The following CUL4B variants were observed in gnomAD, a reference collection of about 807,000 sequenced individuals.
The protein encoded by CUL4B is cullin 4B.
A neutral mutation model predicts 69.2 loss-of-function variants in CUL4B; 1 was observed. That is an observed-to-expected ratio of 0.01 (90% CI 0.01 to 0.07). The LOEUF (loss-of-function observed/expected upper bound fraction) is 0.07. CUL4B is among the 10% of genes least tolerant of loss of function. CUL4B has a pLI of 1.00. For synonymous variants in CUL4B, 237 were observed against 223.2 expected, an observed-to-expected ratio of 1.06 and a Z score of -0.55; for missense variants, 328 against 638.8, an observed-to-expected ratio of 0.51 and a Z score of 5.24.
rs1456022995 is a variant in CUL4B, at chrX:120,532,699, T to C, written c.2267-105A>G. ...CATCCCCCTATTAAAACTATTTCAT[T>C]TTTTCCCAAAGGTCACCAACAACTT... On this transcript the variant is annotated intron_variant, in intron 17 of 19. Coordinates refer to ENST00000371322, the MANE Select transcript of CUL4B (RefSeq NM_001079872.2). 3.9e-6 allele frequency: 3 copies of C among 768,196 alleles called. No individual in the cohort carries two copies. The African/African-American group carries it at 6.2e-5, about 16-fold the overall frequency. 63.3% of individuals were successfully genotyped at this position (768,196 alleles called of 1,213,427 possible). A position where few individuals can be genotyped will look rare whatever the true frequency, so the allele number is the denominator to read the frequency against.
downstream of CUL4B, among the ~76,000 whole-genome samples, chrX:120,567,202 C>A (rs1232937389): frequency 9.8e-6 from 1 of 101,548 alleles, no homozygotes; most frequent in African/African-American, 3.7e-5. Flanking sequence ...TGGCTCACTG[C>A]AATCTCCATC....
intron 2 of CUL4B, among the ~76,000 whole-genome samples, chrX:120,548,231 G>A (rs1259155409): frequency 9.1e-6 from 1 of 110,079 alleles, no homozygotes; most frequent in Non-Finnish European, 1.9e-5. Flanking sequence ...CCATGACTAC[G>A]CCACTGCACT....
downstream of CUL4B, among the ~76,000 whole-genome samples, chrX:120,569,075 C>T (rs1277187592): frequency 2.7e-5 from 3 of 111,835 alleles, no homozygotes; most frequent in Non-Finnish European, 5.6e-5. Context: ...ACAAAACAGC[C>T]GGCAATGCAC....
chrX:120,524,164 C>T lies in CUL4B; in HGVS notation c.*2597G>A, dbSNP rs1922846727. 9.0e-6 allele frequency among the ~76,000 whole-genome samples: 1 copy of T among 111,423 alleles called. No homozygotes were observed. Among genetic ancestry groups the T allele is most frequent in the African/African-American group, 3.3e-5 (1 of 30,699 alleles). ...AAGACCATTCAAGCAGACTCAGGAACTGGGTTCAAAAACTTTGAGGAACAT... is the reference window on the plus strand; with the variant it reads ...AAGACCATTCAAGCAGACTCAGGAATTGGGTTCAAAAACTTTGAGGAACAT... On this transcript the variant is annotated 3_prime_UTR_variant, in exon 20 of 20. Coordinates refer to ENST00000371322, the MANE Select transcript of CUL4B (RefSeq NM_001079872.2).
At chrX:120,530,339 AT>A in intron 18 of CUL4B, 85 bp from the exon 19 acceptor site, 1 of 901,932 alleles carries the variant, frequency 1.1e-6, no homozygotes, top group South Asian at 2.0e-5. Context: ...GGGACATGAC[AT>A]TGTTATTGCT....
intron 14 of CUL4B, among the ~76,000 whole-genome samples, chrX:120,537,898 TTTTA>T (rs1326203238): frequency 8.9e-6 from 1 of 111,788 alleles, no homozygotes; most frequent in African/African-American, 3.3e-5. Context: ...GTTCAATACA[TTTTA>T]TTTTTATTTT....
chrX:120,554,554 G>A (rs764733784), intron 2 of CUL4B, among the ~76,000 whole-genome samples: 1 of 112,481 alleles, frequency 8.9e-6, no homozygotes, highest in Non-Finnish European at 1.9e-5. Flanking sequence ...TACTGCAAGT[G>A]TACTTAGAAC....
At chrX:120,544,075 A>C in intron 7 of CUL4B, 39 bp downstream of exon 7, 1 of 849,220 alleles carries the variant, frequency 1.2e-6, no homozygotes, top group Non-Finnish European at 1.8e-6. Context: ...GTCTATTGTG[A>C]GAGACAGTGA....
Position 120,544,618 on chromosome X carries a change from C to T in CUL4B, c.946G>A (p.Ala316Thr), listed in dbSNP as rs755958060. The T allele has an allele frequency of 1.2e-5, 14 of 1,205,567 alleles. No individual in the cohort carries two copies. The highest frequency in any genetic ancestry group is 4.4e-5 in the Admixed American group (2 of 45,602). Residue 316 changes from alanine (A) to threonine (T), a missense_variant, in exon 6 of 20, where the codon GCT (alanine) becomes ACT (threonine). This residue lies in a region of CUL4B where 126 missense variants were observed against 202.5 expected (regional missense o/e 0.62). Coordinates refer to ENST00000371322, the MANE Select transcript of CUL4B (RefSeq NM_001079872.2). ...IWDMGLELFR[A>T]HIISDQKVQN... Reference sequence around the variant, plus strand: ...ACTTTCTGATCACTTATAATATGAGCCCTAAATAACTCCAGTCCCATGTCC... The same window carrying T: ...ACTTTCTGATCACTTATAATATGAGTCCTAAATAACTCCAGTCCCATGTCC...
intron 9 of CUL4B, 97 bp from the exon 10 acceptor site, chrX:120,541,817 G>GT: frequency 1.7e-6 from 1 of 582,132 alleles, no homozygotes; most frequent in Non-Finnish European, 3.0e-6. Flanking sequence ...AATCATTATT[G>GT]TGATACTGGT....
intron 2 of CUL4B, 36 bp downstream of exon 2, chrX:120,557,888 T>A (rs774468783): frequency 1.1e-6 from 1 of 943,664 alleles, no homozygotes; most frequent in Non-Finnish European, 1.5e-6. Flanking sequence ...CCTCAATTTA[T>A]GTTAATCAAA....
At chrX:120,553,375 C>G (rs1352992781) in intron 2 of CUL4B, among the ~76,000 whole-genome samples, 1 of 111,605 alleles carries the variant, frequency 9.0e-6, no homozygotes. Flanking sequence ...TGATTCTAGT[C>G]CTGTGGTCAT....
At chrX:120,561,650 G>A (rs1925330733), upstream of CUL4B, among the ~76,000 whole-genome samples, 1 of 109,172 alleles carries the variant, frequency 9.2e-6, no homozygotes, top group South Asian at 4.1e-4. Flanking sequence ...AAACGGAGGA[G>A]GAGGAAGAGG....
intron 15 of CUL4B, 43 bp from the exon 16 acceptor site, chrX:120,535,986 A>G: frequency 2.1e-6 from 2 of 934,073 alleles, no homozygotes; most frequent in Middle Eastern, 2.6e-4. Flanking sequence ...TCTGTATCCA[A>G]TACCACATTT....
upstream of CUL4B, among the ~76,000 whole-genome samples, chrX:120,566,369 A>ATATGTATATATATATATATATATATG (rs1556253204): frequency 4.1e-4 from 23 of 56,463 alleles, no homozygotes; most frequent in East Asian, 2.3e-3. Flanking sequence ...ATATATATAT[A>ATATGTATATATATATATATATATATG]TATATATATA....
intron 1 of CUL4B, chrX:120,574,689 G>A (rs975408940): frequency 4.6e-6 from 4 of 861,556 alleles, no homozygotes; most frequent in African/African-American, 2.0e-5. Context: ...TCTGTATAGT[G>A]TTATGAATTC....
In CUL4B at chrX:120,542,982, T is replaced by G; in HGVS notation, c.1308A>C (p.Thr436=). 2 of 1,198,920 alleles carry G rather than the reference T, an allele frequency of 1.7e-6. No homozygotes were observed. Among genetic ancestry groups the G allele is most frequent in the Non-Finnish European group, 2.3e-6 (2 of 884,804 alleles). Residue 436 remains threonine (T), a synonymous_variant, in exon 9 of 20, where the codon ACA becomes ACC. Transcript: ENST00000371322. Reference sequence around the variant, plus strand: ...GCCAATTACCTTTCTGAAGAATTGCTGTTAAGTGTTCACCTAGAAGTTGTT... The same window carrying G: ...GCCAATTACCTTTCTGAAGAATTGCGGTTAAGTGTTCACCTAGAAGTTGTT... ...VEKQLLGEHL[T]AILQKGLNNL...
Position 120,526,665 on chromosome X carries a change from A to C in CUL4B, c.*96T>G. The C allele has an allele frequency of 3.6e-6, 2 of 557,749 alleles. No individual in the cohort carries two copies. Among genetic ancestry groups the C allele is most frequent in the Non-Finnish European group, 6.2e-6 (2 of 323,002 alleles). The allele number at this position is 557,749 out of a possible 1,213,427, so 46.0% of individuals were successfully genotyped here. On this transcript the variant is annotated 3_prime_UTR_variant, in exon 20 of 20. Coordinates refer to ENST00000371322, the MANE Select transcript of CUL4B (RefSeq NM_001079872.2). ...ATTAATTACACTGCTTCATTTGGTC[A>C]TCGGTAGTAAAAAAGGAGTCAAATA...
At chrX:120,527,040 T>C (rs1923011070) in intron 19 of CUL4B, among the ~76,000 whole-genome samples, 184 bp from the exon 20 acceptor site, 1 of 111,874 alleles carries the variant, frequency 8.9e-6, no homozygotes, top group Admixed American at 9.5e-5. Flanking sequence ...GGTTAAAAAA[T>C]GTTTTATACA....
Sources: allele counts gnomAD v4.1 joint callset (sites outside exome capture counted in the v4.1 genomes callset), GRCh38; gene constraint gnomAD v4.1.1; regional missense constraint gnomAD v4.1.1; transcripts MANE v1.5; gene names NCBI Gene and HGNC (gene_info 2026-07-23, HGNC 2026-07-21).